CCNY: variants seen among roughly 807,000 people sequenced by gnomAD.
CCNY encodes the protein cyclin-Y.
In CCNY, 19 loss-of-function variants were observed where a neutral mutation model predicts 42.8. The observed-to-expected ratio is 0.44, with a 90% confidence interval of 0.31 to 0.65. The LOEUF (loss-of-function observed/expected upper bound fraction) is 0.65. CCNY is among the 30% of genes least tolerant of loss of function. The probability of loss-of-function intolerance (pLI) is 0.07; values close to 1 mark genes in which losing one functional copy is unlikely to be tolerated. For missense variants in CCNY, 370 were observed against 437.3 expected (o/e 0.85, Z 1.37); for synonymous variants, 165 against 162.7 (o/e 1.01, Z -0.11).
Position 35,569,054 on chromosome 10 carries a change from G to A in CCNY, c.910G>A (p.Ala304Thr), listed in dbSNP as rs756825777. 1 of 1,602,886 alleles carries A rather than the reference G, an allele frequency of 6.2e-7. No individual in the cohort carries two copies. Among genetic ancestry groups the A allele is most frequent in the South Asian group, 1.1e-5 (1 of 90,836 alleles). The change falls in exon 10 of 10, where the codon GCC becomes ACC. Residue 304 changes from alanine (A) to threonine (T), a missense_variant and splice_region_variant. Ala to Thr is a moderately conservative substitution (Grantham distance 58). Around this residue, in one of 2 missense-constraint regions of CCNY, gnomAD observed 234 missense variants for 313.1 expected, o/e 0.75. Transcript: ENST00000374704. ...CCACACTGTCTTTCTTGCCCCTCAGGCCATCTCTCGCCTCTGCGAGGACAA... is the reference window on the plus strand; with the variant it reads ...CCACACTGTCTTTCTTGCCCCTCAGACCATCTCTCGCCTCTGCGAGGACAA... ...LSRERAHKLE[A>T]ISRLCEDKYK...
chr10:35,287,152 T>C (rs1835363572), intron 3 of CCNY, among the ~76,000 whole-genome samples: 1 of 152,214 alleles, frequency 6.6e-6, no homozygotes, highest in African/African-American at 2.4e-5. Context: ...CTTTAAAGGA[T>C]TGGAGCACTC....
At chr10:35,277,151 C>T (rs759886550) in intron 3 of CCNY, among the ~76,000 whole-genome samples, 2 of 152,184 alleles carry the variant, frequency 1.3e-5, no homozygotes, top group Admixed American at 6.6e-5. Context: ...TTGGGCTTTG[C>T]TGGGACTTAC....
intron 8 of CCNY, among the ~76,000 whole-genome samples, chr10:35,554,139 T>C (rs1841316126): frequency 6.6e-6 from 1 of 152,092 alleles, no homozygotes; most frequent in Non-Finnish European, 1.5e-5. Flanking sequence ...TGCAGGACCT[T>C]CCCAGTGCCT....
At chr10:35,545,768 T>TATA (rs1461941777) in intron 7 of CCNY, among the ~76,000 whole-genome samples, 2 of 152,186 alleles carry the variant, frequency 1.3e-5, no homozygotes, top group African/African-American at 4.8e-5. Context: ...ATTGCTGTAG[T>TATA]TTAGGGTAAA....
At position 35,263,358 on chromosome 10, in the gene CCNY, A is replaced by G. The variant is rs1342075100; in HGVS notation, c.-9+12732A>G. On this transcript the variant is annotated intron_variant, in intron 3 of 11. Transcript: ENST00000374706. ...GATGACAGAGTGAGACTCCGTCTCA[A>G]AAAAAAAAAAAAAAAAAAAAAAAAA... Among the ~76,000 whole-genome samples the G allele has an allele frequency of 7.4e-5, 5 of 67,918 alleles. No homozygotes were observed. In the South Asian group the frequency reaches 2.3e-3, roughly 31 times the overall value. 44.6% of individuals were successfully genotyped at this position (67,918 alleles called of 152,430 possible). A position where few individuals can be genotyped will look rare whatever the true frequency, so the allele number is the denominator to read the frequency against.
intron 1 of CCNY, among the ~76,000 whole-genome samples, chr10:35,372,400 C>T (rs997715031): frequency 2.1e-4 from 32 of 152,302 alleles, no homozygotes; most frequent in African/African-American, 7.5e-4. Flanking sequence ...TCCTGTGAAT[C>T]CTTAGACGAT....
chr10:35,301,395 G>A (rs1835531479), intron 3 of CCNY, among the ~76,000 whole-genome samples: 1 of 152,114 alleles, frequency 6.6e-6, no homozygotes, highest in South Asian at 2.1e-4. Context: ...TCCTGGAAAT[G>A]TTTCATAATA....
chr10:35,351,609 G>C (rs1479117422), intron 1 of CCNY, among the ~76,000 whole-genome samples: 1 of 152,174 alleles, frequency 6.6e-6, no homozygotes, highest in African/African-American at 2.4e-5. Context: ...CTTACATAGT[G>C]GGTGCTTAGT....
At chr10:35,396,632 GCTGGTGAGGAGGT>G (rs1837533252) in intron 1 of CCNY, among the ~76,000 whole-genome samples, 1 of 152,258 alleles carries the variant, frequency 6.6e-6, no homozygotes, top group Admixed American at 6.5e-5. Context: ...TGCCCCAAGG[GCTGGTGAGGAGGT>G]CCAGACAGTT....
intron 8 of CCNY, among the ~76,000 whole-genome samples, chr10:35,553,818 G>T (rs1841309494): frequency 6.6e-6 from 1 of 152,034 alleles, no homozygotes; most frequent in Non-Finnish European, 1.5e-5. Flanking sequence ...TTCTCAGATG[G>T]GCCAGTCTTC....
chr10:35,485,545 GA>G, intron 2 of CCNY, among the ~76,000 whole-genome samples: 1 of 152,278 alleles, frequency 6.6e-6, no homozygotes, highest in South Asian at 2.1e-4. Flanking sequence ...CTAACATGGT[GA>G]AACCCCGTCT....
chr10:35,337,242 C>G (rs751756480), intron 1 of CCNY, 35 bp downstream of exon 1: 11 of 1,464,444 alleles, frequency 7.5e-6, no homozygotes, highest in African/African-American at 1.5e-5. Context: ...TACCCGCCCC[C>G]GCGGCAACAG....
intron 7 of CCNY, among the ~76,000 whole-genome samples, chr10:35,545,795 AATTT>A (rs1841101041): frequency 6.6e-6 from 1 of 152,198 alleles, no homozygotes; most frequent in South Asian, 2.1e-4. Flanking sequence ...ACTTTATATT[AATTT>A]ATTAACCTAT....
intron 4 of CCNY, 38 bp downstream of exon 4, chr10:35,516,661 CTTTTTTTTTTTTT>C (rs35268084): frequency 7.9e-5 from 26 of 327,618 alleles, no homozygotes; most frequent in Admixed American, 4.6e-4. Flanking sequence ...TCCTTCCTTC[CTTTTTTTTTTTTT>C]TTTTTTTTTT....
At chr10:35,479,017 A>C (rs1273394750) in intron 1 of CCNY, among the ~76,000 whole-genome samples, 1 of 152,230 alleles carries the variant, frequency 6.6e-6, no homozygotes, top group Non-Finnish European at 1.5e-5. Flanking sequence ...GCTCACCATC[A>C]CTGGCCATCA....
At chr10:35,439,280 C>T (rs1391819650) in intron 1 of CCNY, among the ~76,000 whole-genome samples, 4 of 152,078 alleles carry the variant, frequency 2.6e-5, no homozygotes, top group Non-Finnish European at 5.9e-5. Flanking sequence ...CCCTGTGGCT[C>T]TATTATTAGC....
intron 8 of CCNY, among the ~76,000 whole-genome samples, chr10:35,556,134 C>G (rs1291983417): frequency 6.6e-6 from 1 of 152,268 alleles, no homozygotes; most frequent in East Asian, 1.9e-4. Context: ...ACTGGCTGAA[C>G]CTTAGTGACT....
At chr10:35,268,379 AG>A (rs1221348145) in intron 3 of CCNY, among the ~76,000 whole-genome samples, 1 of 152,144 alleles carries the variant, frequency 6.6e-6, no homozygotes, top group East Asian at 1.9e-4. Flanking sequence ...TTCAATCTTA[AG>A]GCTTGAATAC....
intron 3 of CCNY, among the ~76,000 whole-genome samples, chr10:35,288,286 G>C (rs1835376958): frequency 6.6e-6 from 1 of 152,010 alleles, no homozygotes. Flanking sequence ...TTGAAGAAAT[G>C]CTTCTTCAAA....
Sources: gnomAD v4.1 joint callset for allele counts (sites outside exome capture counted in the v4.1 genomes callset) on GRCh38, gnomAD v4.1.1 for gene constraint, gnomAD v4.1.1 regional missense constraint, MANE v1.5 for transcripts, NCBI Gene and HGNC (gene_info 2026-07-23, HGNC 2026-07-21) for gene names.